The following RNF150 variants were observed in gnomAD, a reference collection of about 807,000 sequenced individuals.
The protein encoded by RNF150 is ring finger protein 150.
Under a neutral mutation model 39.3 loss-of-function variants are expected in RNF150, and 24 were observed. The ratio of observed to expected loss-of-function variants is 0.61; its 90% CI spans 0.44 to 0.86. The LOEUF (loss-of-function observed/expected upper bound fraction) is 0.86. Ranked by LOEUF, RNF150 falls within the 40% of genes least tolerant of loss-of-function variation. The pLI, the probability that RNF150 is intolerant of heterozygous loss-of-function variation, is 0.00. For missense variants in RNF150, 502 were observed against 587.8 expected (o/e 0.85, Z 1.51); for synonymous variants, 255 against 227.3 (o/e 1.12, Z -1.10).
intron 3 of RNF150, among the ~76,000 whole-genome samples, chr4:140,948,237 A>T (rs1024669754): frequency 3.3e-5 from 5 of 152,222 alleles, no homozygotes; most frequent in African/African-American, 1.2e-4. Context: ...TAACATACTG[A>T]CCAAAATGTC....
chr4:141,201,939 T>C (rs1309838989), intron 1 of RNF150, among the ~76,000 whole-genome samples: 1 of 152,102 alleles, frequency 6.6e-6, no homozygotes, highest in East Asian at 1.9e-4. Context: ...GTTTCCACTC[T>C]CATGAATGGG....
intron 6 of RNF150, among the ~76,000 whole-genome samples, chr4:140,903,447 G>C (rs1315009790): frequency 6.6e-6 from 1 of 152,080 alleles, no homozygotes; most frequent in East Asian, 1.9e-4. Context: ...ATTTGCTTTA[G>C]AATCGAAATG....
chr4:141,118,129 T>C (rs560503681), intron 1 of RNF150, among the ~76,000 whole-genome samples: 2 of 152,248 alleles, frequency 1.3e-5, no homozygotes, highest in Admixed American at 1.3e-4. Flanking sequence ...ACACAAGCTC[T>C]GCTTCCTGGG....
At chr4:141,115,713 G>A (rs1213274375) in intron 1 of RNF150, among the ~76,000 whole-genome samples, 2 of 152,120 alleles carry the variant, frequency 1.3e-5, no homozygotes, top group Admixed American at 6.5e-5. Flanking sequence ...AACAAAGCTG[G>A]AGGCACCATT....
intron 1 of RNF150, among the ~76,000 whole-genome samples, chr4:141,043,705 G>C (rs1330281956): frequency 6.6e-6 from 1 of 151,990 alleles, no homozygotes; most frequent in Middle Eastern, 3.2e-3. Context: ...CAATTGGGTG[G>C]GATGAATACC....
chr4:141,081,695 GTGTA>G (rs1171531534), intron 1 of RNF150, among the ~76,000 whole-genome samples: 2 of 152,332 alleles, frequency 1.3e-5, no homozygotes, highest in African/African-American at 2.4e-5. Context: ...TCTTTAATGT[GTGTA>G]TGTAAGTACG....
rs373240465 is a variant in RNF150 at position 141,165,195 on chromosome 4, CAAAG to C, written c.-6+47595_-6+47598del. 3.0e-4 allele frequency among the ~76,000 whole-genome samples: 46 copies of C among 152,184 alleles called. No individual in the cohort carries two copies. In the South Asian group the frequency reaches 5.2e-3, roughly 17 times the overall value. On this transcript the variant is annotated intron_variant, in intron 1 of 7. Transcript: ENST00000420921. ...TTAAACCAACAAAGATCAAAAAAGA[CAAAG>C]AAAGGCATTACGTAATGGTAAAGGG...
intron 1 of RNF150, among the ~76,000 whole-genome samples, chr4:141,033,245 T>C (rs1736019174): frequency 6.6e-6 from 1 of 152,222 alleles, no homozygotes; most frequent in Non-Finnish European, 1.5e-5. Context: ...TCACATTATC[T>C]TCACCAGGAG....
chr4:141,128,380 A>G (rs1455916625), intron 1 of RNF150, among the ~76,000 whole-genome samples: 2 of 152,224 alleles, frequency 1.3e-5, no homozygotes, highest in East Asian at 3.8e-4. Flanking sequence ...ACAGTGAGAA[A>G]GTAGTGCCAC....
Position 141,019,041 on chromosome 4 carries a change from TATATATATATATATATATATATATA to T in RNF150, c.485-51193_485-51169del, listed in dbSNP as rs1221866534. Among the ~76,000 whole-genome samples the T allele has an allele frequency of 9.8e-3, 57 of 5,810 alleles. No individual in the cohort carries two copies. The South Asian group carries it at 0.16, about 16-fold the overall frequency. 3.8% of individuals were successfully genotyped at this position (5,810 alleles called of 152,430 possible). A position where few individuals can be genotyped will look rare whatever the true frequency, so the allele number is the denominator to read the frequency against. ...CAATCTTACTGCAAAGAAATATATA[TATATATATATATATATATATATATA>T]TATATATATATATATGGAACTTTAC... is the stretch of plus-strand genomic sequence containing the variant. On this transcript the variant is annotated intron_variant, in intron 1 of 6. Transcript: ENST00000515673.
chr4:141,019,198 T>C (rs1029369492), intron 1 of RNF150, among the ~76,000 whole-genome samples: 2 of 151,414 alleles, frequency 1.3e-5, no homozygotes, highest in Non-Finnish European at 2.9e-5. Context: ...TTTAATCTTG[T>C]TTATGAAAAG....
intron 1 of RNF150, among the ~76,000 whole-genome samples, chr4:141,147,856 A>T (rs1254282414): frequency 6.6e-6 from 1 of 152,186 alleles, no homozygotes; most frequent in Non-Finnish European, 1.5e-5. Flanking sequence ...AGGAAGAAAA[A>T]ATCCAAAAGT....
intron 1 of RNF150, among the ~76,000 whole-genome samples, chr4:141,030,818 T>C (rs1260717324): frequency 6.6e-6 from 1 of 151,934 alleles, no homozygotes; most frequent in African/African-American, 2.4e-5. Context: ...GAGGAGCAAA[T>C]GGAGAATTGC....
At chr4:140,927,329 C>T (rs1731436548) in intron 4 of RNF150, among the ~76,000 whole-genome samples, 1 of 152,184 alleles carries the variant, frequency 6.6e-6, no homozygotes, top group Admixed American at 6.5e-5. Context: ...GTCTGTGTCC[C>T]TGCCCAAATA....
At chr4:141,028,102 A>C (rs1388211799) in intron 1 of RNF150, among the ~76,000 whole-genome samples, 1 of 151,868 alleles carries the variant, frequency 6.6e-6, no homozygotes, top group Non-Finnish European at 1.5e-5. Flanking sequence ...TACTACATAC[A>C]CAGTGTTGGG....
At chr4:140,920,014 T>C (rs1434303073) in intron 5 of RNF150, among the ~76,000 whole-genome samples, 1 of 152,146 alleles carries the variant, frequency 6.6e-6, no homozygotes, top group African/African-American at 2.4e-5. Context: ...ATCCCTTCCT[T>C]ACGTCGTATA....
At chr4:140,913,079 T>C (rs1271756900) in intron 5 of RNF150, among the ~76,000 whole-genome samples, 2 of 151,718 alleles carry the variant, frequency 1.3e-5, no homozygotes, top group Admixed American at 6.6e-5. Flanking sequence ...CTAACCAACA[T>C]GGTGAAACCC....
chr4:141,178,742 C>A (rs1173321403), intron 1 of RNF150, among the ~76,000 whole-genome samples: 1 of 149,246 alleles, frequency 6.7e-6, no homozygotes, highest in African/African-American at 2.6e-5. Flanking sequence ...AGTTCATGTT[C>A]TCCAACTGCT....
At position 141,000,087 on chromosome 4, in the gene RNF150, G is replaced by GAGGAGA. The variant is rs1553935775; in HGVS notation, c.485-32215_485-32214insTCTCCT. On this transcript the variant is annotated intron_variant, in intron 1 of 6. Coordinates refer to ENST00000515673, the MANE Select transcript of RNF150 (RefSeq NM_020724.2). Reference sequence around the variant, plus strand: ...GAAGAAGAAGAAGAAGAAGAAGAAGGAGAAGAAGAAGAAGAAGAAGAGGAG... The same window carrying GAGGAGA: ...GAAGAAGAAGAAGAAGAAGAAGAAGGAGGAGAAGAAGAAGAAGAAGAAGAAGAGGAG... 7.8e-4 allele frequency among the ~76,000 whole-genome samples: 28 copies of GAGGAGA among 35,918 alleles called. 1 individual carries two copies. Among genetic ancestry groups the GAGGAGA allele is most frequent in the African/African-American group, 3.2e-3 (26 of 8,104 alleles). 23.6% of individuals were successfully genotyped at this position (35,918 alleles called of 152,430 possible). A position where few individuals can be genotyped will look rare whatever the true frequency, so the allele number is the denominator to read the frequency against.
Sources: gnomAD v4.1 joint callset for allele counts (sites outside exome capture counted in the v4.1 genomes callset) on GRCh38, gnomAD v4.1.1 for gene constraint, MANE v1.5 for transcripts, NCBI Gene and HGNC (gene_info 2026-07-23, HGNC 2026-07-21) for gene names.